Variants in UBP1 observed in about 807,000 individuals in gnomAD.
The protein encoded by UBP1 is upstream-binding protein 1.
In UBP1, 22 loss-of-function variants were observed where a neutral mutation model predicts 76.1. That is an observed-to-expected ratio of 0.29 (90% confidence interval 0.21 to 0.41). The LOEUF (loss-of-function observed/expected upper bound fraction) is 0.41, where lower values mean the gene tolerates loss of function less well. UBP1 is among the 10% of genes least tolerant of loss of function. The pLI is 1.00. For synonymous variants in UBP1, 224 were observed against 237.1 expected (o/e 0.94, Z 0.51); for missense variants, 436 against 668.1 (o/e 0.65, Z 3.83).
At position 33,411,288 on chromosome 3, in the gene UBP1, AG is replaced by A. The variant is rs1343579339; in HGVS notation, c.555+292del. On this transcript the variant is annotated intron_variant, in intron 5 of 15. Coordinates refer to ENST00000283629, the MANE Select transcript of UBP1 (RefSeq NM_014517.5). The stretch of plus-strand genomic sequence containing the variant: ...TTTCAATCGTATCCTTTTAAATAGC[AG>A]CTTGTGTTCAAGAGAAATACATCTC... Among the ~76,000 whole-genome samples, 6 of 152,300 alleles carry A rather than the reference AG, an allele frequency of 3.9e-5. 1 individual carries two copies. The highest frequency in any genetic ancestry group is 1.4e-4 in the African/African-American group (6 of 41,570).
At chr3:33,423,343 T>A (rs200823985) in intron 2 of UBP1, among the ~76,000 whole-genome samples, 2 of 121,838 alleles carry the variant, frequency 1.6e-5, no homozygotes, top group Non-Finnish European at 3.7e-5. Flanking sequence ...CCGGCCCATA[T>A]TTTTTAAAAT....
intron 2 of UBP1, among the ~76,000 whole-genome samples, chr3:33,424,024 T>C (rs1200401232): frequency 2.6e-5 from 4 of 152,364 alleles, no homozygotes; most frequent in Admixed American, 2.0e-4. Flanking sequence ...TTCCATGGTA[T>C]GTATGTAACA....
rs1242074078 is a variant in UBP1 at position 33,440,194 on chromosome 3, G to A, written c.-346C>T. The stretch of plus-strand genomic sequence containing the variant: ...GGCCCCCCGGTCGCATCCTCCTCCG[G>A]GACCGCTGGGAGGCTGGACCTCGGG... On this transcript the variant is annotated 5_prime_UTR_variant, in exon 1 of 16. Coordinates refer to ENST00000283629, the MANE Select transcript of UBP1 (RefSeq NM_014517.5). 6.4e-6 allele frequency: 1 copy of A among 156,712 alleles called. No homozygotes were observed. Among genetic ancestry groups the A allele is most frequent in the African/African-American group, 2.4e-5 (1 of 41,258 alleles). The allele number at this position is 156,712 out of a possible 1,614,324, so 9.7% of individuals were successfully genotyped here.
At chr3:33,392,531 A>G (rs750243417) in intron 15 of UBP1, 32 bp downstream of exon 15, 1 of 1,590,136 alleles carries the variant, frequency 6.3e-7, no homozygotes, top group Non-Finnish European at 8.6e-7. Flanking sequence ...TCATGATTCC[A>G]GCATTTTAAG....
At chr3:33,416,571 G>C (rs1208066646) in intron 3 of UBP1, among the ~76,000 whole-genome samples, 187 bp downstream of exon 3, 3 of 152,076 alleles carry the variant, frequency 2.0e-5, no homozygotes, top group Non-Finnish European at 4.4e-5. Context: ...ATTTCCAAGG[G>C]TCTTTCAAAA....
upstream of UBP1, chr3:33,440,817 G>A (rs1261148610): frequency 6.6e-6 from 1 of 152,240 alleles, no homozygotes; most frequent in African/African-American, 2.4e-5. Flanking sequence ...ATGGTAGAAA[G>A]CGACCCAAAA....
rs189937874 is a variant in UBP1 at position 33,434,359 on chromosome 3, A to G, written c.113+5377T>C. Reference sequence around the variant, plus strand: ...GTCACCCCAGGCTGGAGTGCAGTGGAGCAATCTCGGCTCACTGTAACCTCC... The same window carrying G: ...GTCACCCCAGGCTGGAGTGCAGTGGGGCAATCTCGGCTCACTGTAACCTCC... On this transcript the variant is annotated intron_variant, in intron 1 of 15. Transcript: ENST00000283629. Among the ~76,000 whole-genome samples the G allele has an allele frequency of 5.9e-4, 74 of 124,760 alleles. No individual in the cohort carries two copies. The East Asian group carries it at 0.018, about 30-fold the overall frequency. The allele number at this position is 124,760 out of a possible 152,430, so 81.8% of individuals were successfully genotyped here.
chr3:33,426,358 G>A (rs1037683969), intron 1 of UBP1, among the ~76,000 whole-genome samples: 1 of 152,002 alleles, frequency 6.6e-6, no homozygotes, highest in Admixed American at 6.6e-5. Context: ...ATAACCTGGG[G>A]CACTGATTGG....
At chr3:33,397,392 C>T (rs888039063) in intron 11 of UBP1, 10 of 298,162 alleles carry the variant, frequency 3.4e-5, no homozygotes, top group Non-Finnish European at 5.5e-5. Context: ...GAGAGCAGGG[C>T]CTAAAGAACT....
At chr3:33,399,027 G>A (rs920033058) in intron 11 of UBP1, among the ~76,000 whole-genome samples, 4 of 152,236 alleles carry the variant, frequency 2.6e-5, no homozygotes, top group African/African-American at 9.6e-5. Flanking sequence ...ATTACAATAC[G>A]TGGCATAGTA....
chr3:33,411,582 T>C lies in UBP1; in HGVS notation c.554A>G (p.Gln185Arg). 1 of 1,613,942 alleles carries C rather than the reference T, an allele frequency of 6.2e-7. No homozygotes were observed. The highest frequency in any genetic ancestry group is 8.5e-7 in the Non-Finnish European group (1 of 1,179,848). Residue 185 changes from glutamine to arginine, a missense_variant and splice_region_variant, in exon 5 of 16, where the codon CAG (glutamine) becomes CGG (arginine). Gln to Arg is a conservative substitution (Grantham distance 43, BLOSUM62 1). This residue lies in a region of UBP1 where 161 missense variants were observed against 237.9 expected (regional missense o/e 0.68). Coordinates refer to ENST00000283629, the MANE Select transcript of UBP1 (RefSeq NM_014517.5). ...DPAKRTSAFI[Q>R]VHCISTEFTP... ...TTCTAATAATGTAAAAATCCAAACCTGAATGAAAGCAGAGGTGCGTTTTGC... is the reference window on the plus strand; with the variant it reads ...TTCTAATAATGTAAAAATCCAAACCCGAATGAAAGCAGAGGTGCGTTTTGC...
intron 1 of UBP1, among the ~76,000 whole-genome samples, chr3:33,436,047 C>A (rs370359724): frequency 6.8e-4 from 104 of 152,280 alleles, no homozygotes; most frequent in African/African-American, 2.4e-3. Context: ...ATAAACCCTA[C>A]CCTTGCTAAT....
intron 1 of UBP1, among the ~76,000 whole-genome samples, chr3:33,434,830 G>A (rs900607528): frequency 6.6e-6 from 1 of 151,744 alleles, no homozygotes; most frequent in Non-Finnish European, 1.5e-5. Context: ...GGGACTACAG[G>A]CATGCGCCAC....
chr3:33,422,434 A>C (rs1259748076), intron 2 of UBP1, among the ~76,000 whole-genome samples: 2 of 151,986 alleles, frequency 1.3e-5, no homozygotes, highest in African/African-American at 4.8e-5. Flanking sequence ...GAAGAAAAAA[A>C]GGCCAGGTTC....
intron 1 of UBP1, among the ~76,000 whole-genome samples, chr3:33,430,247 T>G (rs545266574): frequency 2.6e-5 from 4 of 152,290 alleles, no homozygotes; most frequent in Non-Finnish European, 4.4e-5. Context: ...AGGAAAGAAC[T>G]GCAAAGCTGT....
At chr3:33,422,248 A>C (rs1034416482) in intron 2 of UBP1, among the ~76,000 whole-genome samples, 2 of 152,064 alleles carry the variant, frequency 1.3e-5, no homozygotes, top group African/African-American at 4.8e-5. Flanking sequence ...AAAAGCTATG[A>C]ATCCTCTCAT....
chr3:33,429,291 A>C (rs1242436118), intron 1 of UBP1, among the ~76,000 whole-genome samples: 2 of 152,192 alleles, frequency 1.3e-5, no homozygotes, highest in Non-Finnish European at 2.9e-5. Context: ...CCATAAATGG[A>C]AACAGACTTT....
At chr3:33,428,332 A>AT (rs1284638856) in intron 1 of UBP1, among the ~76,000 whole-genome samples, 1 of 152,188 alleles carries the variant, frequency 6.6e-6, no homozygotes, top group Non-Finnish European at 1.5e-5. Flanking sequence ...GAAAACAAGA[A>AT]TGAGAGTTGT....
At chr3:33,422,303 G>A (rs1384912244) in intron 2 of UBP1, among the ~76,000 whole-genome samples, 1 of 152,068 alleles carries the variant, frequency 6.6e-6, no homozygotes, top group Non-Finnish European at 1.5e-5. Context: ...TACTCAGAAG[G>A]CCTGAGGCAG....
Sources: allele counts gnomAD v4.1 joint callset (sites outside exome capture counted in the v4.1 genomes callset), GRCh38; gene constraint gnomAD v4.1.1; regional missense constraint gnomAD v4.1.1; transcripts MANE v1.5; gene names NCBI Gene and HGNC (gene_info 2026-07-23, HGNC 2026-07-21).